LRRTM4: variants seen among roughly 807,000 people sequenced by gnomAD.
The protein encoded by LRRTM4 is leucine-rich repeat transmembrane neuronal protein 4.
A neutral mutation model predicts 47.6 loss-of-function variants in LRRTM4; 25 were observed. The ratio of observed to expected loss-of-function variants is 0.53; its 90% CI spans 0.38 to 0.73. The LOEUF is 0.73. Ranked by LOEUF, LRRTM4 falls within the 30% of genes least tolerant of loss-of-function variation. LRRTM4 has a pLI of 0.00. For synonymous variants in LRRTM4, 311 were observed against 269.5 expected, an observed-to-expected ratio of 1.15 and a Z score of -1.51; for missense variants, 638 against 713.4, an observed-to-expected ratio of 0.89 and a Z score of 1.20.
At chr2:77,495,633 A>G (rs1357808888) in intron 3 of LRRTM4, among the ~76,000 whole-genome samples, 1 of 151,926 alleles carries the variant, frequency 6.6e-6, no homozygotes, top group Non-Finnish European at 1.5e-5. Context: ...CATTTGTTGA[A>G]AAGACTAAGC....
intron 3 of LRRTM4, among the ~76,000 whole-genome samples, chr2:76,899,044 A>G (rs1320806719): frequency 6.6e-6 from 1 of 151,980 alleles, no homozygotes; most frequent in Non-Finnish European, 1.5e-5. Context: ...AGCGTGTTGT[A>G]AAATTGGTAA....
chr2:77,035,079 A>C (rs955863697), intron 3 of LRRTM4, among the ~76,000 whole-genome samples: 1 of 151,474 alleles, frequency 6.6e-6, no homozygotes, highest in Admixed American at 6.6e-5. Context: ...GTTTTTTATT[A>C]TACTTTAAGT....
chr2:77,210,149 G>A (rs1470891501), intron 3 of LRRTM4, among the ~76,000 whole-genome samples: 3 of 152,138 alleles, frequency 2.0e-5, no homozygotes, highest in Non-Finnish European at 4.4e-5. Context: ...AATTGACTAG[G>A]CATTTGAAGG....
At chr2:77,336,878 G>A (rs1050730762) in intron 3 of LRRTM4, among the ~76,000 whole-genome samples, 17 of 151,910 alleles carry the variant, frequency 1.1e-4, no homozygotes, top group Non-Finnish European at 1.9e-4. Flanking sequence ...GAAATCAGAC[G>A]GGACAATGAA....
chr2:77,054,893 T>G (rs1679552162), intron 3 of LRRTM4, among the ~76,000 whole-genome samples: 1 of 152,202 alleles, frequency 6.6e-6, no homozygotes, highest in Admixed American at 6.5e-5. Flanking sequence ...AATCTATCAT[T>G]TCAACAAGTT....
At chr2:76,771,843 G>A (rs1558641892) in intron 3 of LRRTM4, among the ~76,000 whole-genome samples, 1 of 151,930 alleles carries the variant, frequency 6.6e-6, no homozygotes, top group Non-Finnish European at 1.5e-5. Context: ...CATCCTGGAG[G>A]ACTCTAACTC....
chr2:77,002,053 C>T (rs1008572079), intron 3 of LRRTM4, among the ~76,000 whole-genome samples: 2 of 152,084 alleles, frequency 1.3e-5, no homozygotes, highest in African/African-American at 4.8e-5. Context: ...AAAATACACG[C>T]TTAACATTTT....
chr2:77,365,001 A>G (rs1015054272), intron 3 of LRRTM4, among the ~76,000 whole-genome samples: 6 of 151,930 alleles, frequency 3.9e-5, no homozygotes, highest in Non-Finnish European at 8.8e-5. Flanking sequence ...GATTCCATCA[A>G]CTCTTTCAGT....
intron 3 of LRRTM4, among the ~76,000 whole-genome samples, chr2:77,255,585 T>C (rs1273229481): frequency 6.6e-6 from 1 of 152,028 alleles, no homozygotes; most frequent in Non-Finnish European, 1.5e-5. Context: ...CTGACTGCAA[T>C]GGCATCAGAG....
intron 3 of LRRTM4, among the ~76,000 whole-genome samples, chr2:76,816,115 G>A (rs1670888948): frequency 6.6e-6 from 1 of 152,024 alleles, no homozygotes; most frequent in Non-Finnish European, 1.5e-5. Context: ...CTGCTTTCCT[G>A]TGTTTACCTG....
intron 3 of LRRTM4, among the ~76,000 whole-genome samples, chr2:77,500,571 C>T (rs1325961132): frequency 6.6e-6 from 1 of 151,454 alleles, no homozygotes; most frequent in Non-Finnish European, 1.5e-5. Flanking sequence ...AAATTTTCTC[C>T]TGTTTGCATA....
intron 3 of LRRTM4, among the ~76,000 whole-genome samples, chr2:77,160,028 C>T (rs1016931532): frequency 6.6e-6 from 1 of 152,144 alleles, no homozygotes; most frequent in Non-Finnish European, 1.5e-5. Flanking sequence ...AGTCATCTTC[C>T]ATTAATCACT....
At position 76,756,675 on chromosome 2, in the gene LRRTM4, C is replaced by T. The variant is rs1426606798; in HGVS notation, c.1552-7759G>A. Among the ~76,000 whole-genome samples, 4 of 152,066 alleles carry T rather than the reference C, an allele frequency of 2.6e-5. No individual in the cohort carries two copies. In the East Asian group the frequency reaches 5.8e-4, roughly 22 times the overall value. On this transcript the variant is annotated intron_variant, in intron 3 of 3. Transcript: ENST00000409884. Reference sequence around the variant, plus strand: ...ATAGTCAACTGGTTCATTCATCAAACCAAACCTCTCTTTAAATGGAGGCCC... The same window carrying T: ...ATAGTCAACTGGTTCATTCATCAAATCAAACCTCTCTTTAAATGGAGGCCC...
At chr2:77,295,032 A>C (rs1304954104) in intron 3 of LRRTM4, among the ~76,000 whole-genome samples, 1 of 152,192 alleles carries the variant, frequency 6.6e-6, no homozygotes, top group Non-Finnish European at 1.5e-5. Context: ...CAGGTGAATC[A>C]AAATCATCTC....
At chr2:77,383,215 T>A (rs1673129865) in intron 3 of LRRTM4, among the ~76,000 whole-genome samples, 2 of 152,090 alleles carry the variant, frequency 1.3e-5, no homozygotes, top group Admixed American at 1.3e-4. Flanking sequence ...TTAGGATAAT[T>A]CATCTTTAAT....
chr2:76,956,892 A>G (rs1675693018), intron 3 of LRRTM4, among the ~76,000 whole-genome samples: 1 of 151,536 alleles, frequency 6.6e-6, no homozygotes, highest in Non-Finnish European at 1.5e-5. Flanking sequence ...TGAATTACAA[A>G]GAAAATTCTT....
chr2:77,328,613 A>G (rs796563753), intron 3 of LRRTM4, among the ~76,000 whole-genome samples: 14 of 152,330 alleles, frequency 9.2e-5, no homozygotes, highest in African/African-American at 2.9e-4. Flanking sequence ...TTCTAAAACT[A>G]TAACTTCTCA....
chr2:77,142,721 T>TA (rs1249772047), intron 3 of LRRTM4, among the ~76,000 whole-genome samples: 1 of 152,188 alleles, frequency 6.6e-6, no homozygotes, highest in Non-Finnish European at 1.5e-5. Context: ...CTGAAGATGA[T>TA]ACTCTGTATG....
chr2:77,222,429 GA>G (rs1674663779), intron 3 of LRRTM4, among the ~76,000 whole-genome samples: 1 of 152,050 alleles, frequency 6.6e-6, no homozygotes, highest in African/African-American at 2.4e-5. Context: ...CTGGTTTTTT[GA>G]AAAGATCAAC....
Sources: gnomAD v4.1 joint callset for allele counts (sites outside exome capture counted in the v4.1 genomes callset) on GRCh38, gnomAD v4.1.1 for gene constraint, MANE v1.5 for transcripts, NCBI Gene and HGNC (gene_info 2026-07-23, HGNC 2026-07-21) for gene names.